Variants in UGGT2 observed in about 807,000 individuals in gnomAD.
The protein encoded by UGGT2 is UDP-glucose glycoprotein glucosyltransferase 2, also known as UDP-glucose:glycoprotein glucosyltransferase 2.
Under a neutral mutation model 192.1 loss-of-function variants are expected in UGGT2, and 180 were observed. That is an observed-to-expected ratio of 0.94 (90% CI 0.83 to 1.06). The LOEUF is 1.06. Ranked by LOEUF, UGGT2 falls within the 50% of genes least tolerant of loss-of-function variation. The pLI, the probability that UGGT2 is intolerant of heterozygous loss-of-function variation, is 0.00. For synonymous variants in UGGT2, 580 were observed against 591.0 expected, an observed-to-expected ratio of 0.98 and a Z score of 0.27; for missense variants, 1,849 against 1,795.7, an observed-to-expected ratio of 1.03 and a Z score of -0.54.
intron 6 of UGGT2, 141 bp from the exon 7 acceptor site, chr13:95,996,276 T>C (rs983051878): frequency 9.0e-6 from 6 of 665,830 alleles, no homozygotes; most frequent in South Asian, 7.2e-5. Context: ...CCGAGGTGGG[T>C]AAATCACTTG....
chr13:95,947,807 T>C (rs2049927526), intron 14 of UGGT2, among the ~76,000 whole-genome samples, 189 bp downstream of exon 14: 1 of 152,098 alleles, frequency 6.6e-6, no homozygotes, highest in African/African-American at 2.4e-5. Flanking sequence ...ATAAACAACA[T>C]TACCAGACAG....
chr13:95,867,612 A>G (rs1266832834), intron 29 of UGGT2, among the ~76,000 whole-genome samples, 189 bp from the exon 30 acceptor site: 1 of 152,162 alleles, frequency 6.6e-6, no homozygotes. Context: ...TATCCAATAA[A>G]TTTTAACTCA....
intron 17 of UGGT2, among the ~76,000 whole-genome samples, chr13:95,927,585 CT>C (rs751262484): frequency 6.6e-6 from 1 of 151,520 alleles, no homozygotes; most frequent in Non-Finnish European, 1.5e-5. Context: ...TCTTGAGCAC[CT>C]ATTGTGAGCA....
At chr13:96,000,910 T>C (rs2051780327) in intron 5 of UGGT2, among the ~76,000 whole-genome samples, 1 of 152,208 alleles carries the variant, frequency 6.6e-6, no homozygotes, top group Non-Finnish European at 1.5e-5. Context: ...AAAAGGCATA[T>C]GTTAAAAATG....
chr13:95,893,302 T>C (rs983608097), intron 24 of UGGT2, among the ~76,000 whole-genome samples: 1 of 152,106 alleles, frequency 6.6e-6, no homozygotes, highest in Non-Finnish European at 1.5e-5. Flanking sequence ...CCTATAGACA[T>C]AGAAGCAGAA....
At chr13:95,969,456 G>A (rs2050696580) in intron 12 of UGGT2, among the ~76,000 whole-genome samples, 1 of 152,096 alleles carries the variant, frequency 6.6e-6, no homozygotes, top group African/African-American at 2.4e-5. Flanking sequence ...AAACCATCTG[G>A]ATTGTTAAGG....
intron 5 of UGGT2, 119 bp from the exon 6 acceptor site, chr13:95,999,426 ATCACTCTG>A: frequency 1.1e-6 from 1 of 878,534 alleles, no homozygotes; most frequent in African/African-American, 1.7e-5. Flanking sequence ...AAGGTTTTTA[ATCACTCTG>A]AAAAATTTGG....
intron 10 of UGGT2, among the ~76,000 whole-genome samples, chr13:95,975,094 T>A (rs1011114162): frequency 6.6e-6 from 1 of 151,940 alleles, no homozygotes; most frequent in Non-Finnish European, 1.5e-5. Flanking sequence ...AAAATAAATA[T>A]GAAAAATGTC....
At chr13:95,921,763 A>G (rs1434535510) in intron 20 of UGGT2, among the ~76,000 whole-genome samples, 1 of 152,174 alleles carries the variant, frequency 6.6e-6, no homozygotes, top group African/African-American at 2.4e-5. Context: ...GGTATTATTA[A>G]AAAGTCAAAA....
intron 1 of UGGT2, among the ~76,000 whole-genome samples, chr13:96,042,877 A>C (rs1172111025): frequency 6.6e-6 from 1 of 152,104 alleles, no homozygotes; most frequent in Non-Finnish European, 1.5e-5. Context: ...TTAAATGACC[A>C]AACCTAAGAA....
At chr13:95,958,193 C>G (rs929020680) in intron 12 of UGGT2, among the ~76,000 whole-genome samples, 8 of 152,024 alleles carry the variant, frequency 5.3e-5, no homozygotes, top group African/African-American at 1.7e-4. Flanking sequence ...GCTCTGTCGC[C>G]CAGGCTGGAA....
chr13:95,841,369 T>C (rs929317591), intron 36 of UGGT2, among the ~76,000 whole-genome samples: 1 of 152,358 alleles, frequency 6.6e-6, no homozygotes, highest in Non-Finnish European at 1.5e-5. Context: ...GCGCAGCTAC[T>C]AGTGTACCCT....
chr13:95,872,728 T>G (rs1328164806), intron 29 of UGGT2, among the ~76,000 whole-genome samples: 1 of 152,202 alleles, frequency 6.6e-6, no homozygotes, highest in Non-Finnish European at 1.5e-5. Flanking sequence ...TTCACTAATA[T>G]GTTAGTGGTA....
At chr13:95,816,642 T>C (rs1235877490) in intron 38 of UGGT2, among the ~76,000 whole-genome samples, 2 of 152,204 alleles carry the variant, frequency 1.3e-5, no homozygotes, top group Non-Finnish European at 2.9e-5. Context: ...AAAGAATATA[T>C]ACTTATTCAA....
At chr13:95,875,227 A>G (rs1402293707) in intron 29 of UGGT2, among the ~76,000 whole-genome samples, 3 of 152,162 alleles carry the variant, frequency 2.0e-5, no homozygotes, top group Non-Finnish European at 4.4e-5. Flanking sequence ...ACTTATCCAT[A>G]TATCTTCTTT....
At position 95,900,806 on chromosome 13, in the gene UGGT2, C is replaced by A; in HGVS notation, c.2634+1G>T. 1.2e-6 allele frequency: 2 copies of A among 1,604,600 alleles called. No individual in the cohort carries two copies. The highest frequency in any genetic ancestry group is 1.7e-5 in the Admixed American group (1 of 57,864). The stretch of plus-strand genomic sequence containing the variant: ...AGAGAGCAATAGCTTTTTCTACTTA[C>A]TCTCCCATTGCTGACAATACCCATT... On this transcript the variant is annotated splice_donor_variant, in intron 22 of 38. Transcript: ENST00000376747. LOFTEE classifies it high-confidence loss of function.
At chr13:95,873,071 C>T (rs914743453) in intron 29 of UGGT2, among the ~76,000 whole-genome samples, 14 of 152,174 alleles carry the variant, frequency 9.2e-5, no homozygotes, top group South Asian at 2.1e-4. Flanking sequence ...ATTTGCCTCA[C>T]AATTCATATA....
intron 15 of UGGT2, among the ~76,000 whole-genome samples, chr13:95,942,221 G>GGGGTGTGTGTGT (rs1285651365): frequency 6.8e-5 from 8 of 118,084 alleles, no homozygotes; most frequent in African/African-American, 9.5e-5. Context: ...TTAGGGTGAG[G>GGGGTGTGTGTGT]GTGTGTGTGT....
In UGGT2 at chr13:95,884,692, A is replaced by G. The variant is rs780847866; in HGVS notation, c.3039-12T>C. On this transcript the variant is annotated splice_polypyrimidine_tract_variant and intron_variant, in intron 26 of 38. Coordinates refer to ENST00000376747, the MANE Select transcript of UGGT2 (RefSeq NM_020121.4). The stretch of plus-strand genomic sequence containing the variant: ...CAAAACGGTAAAAGCTGTTAATAAA[A>G]CATAAAAATACATAATGTGACCAAA... 6 of 1,585,224 alleles carry G rather than the reference A, an allele frequency of 3.8e-6. No homozygotes were observed. The East Asian group carries it at 1.3e-4, about 35-fold the overall frequency.
Sources: allele counts gnomAD v4.1 joint callset (sites outside exome capture counted in the v4.1 genomes callset), GRCh38; gene constraint gnomAD v4.1.1; transcripts MANE v1.5; gene names NCBI Gene and HGNC (gene_info 2026-07-23, HGNC 2026-07-21).